Variants in ANKRD30B observed in about 807,000 individuals in gnomAD.
The protein encoded by ANKRD30B is ankyrin repeat domain 30B, also known as ankyrin repeat domain-containing protein 30B.
A neutral mutation model predicts 202.2 loss-of-function variants in ANKRD30B; 144 were observed. That is an observed-to-expected ratio of 0.71 (90% CI 0.62 to 0.82). The LOEUF (loss-of-function observed/expected upper bound fraction) is 0.82. Among genes scored for constraint, ANKRD30B ranks in the 40% least tolerant of loss-of-function variants. The pLI, the probability that ANKRD30B is intolerant of heterozygous loss-of-function variation, is 0.00. For missense variants in ANKRD30B, 1,487 were observed against 1,669.1 expected (o/e 0.89, Z 1.90); for synonymous variants, 508 against 561.3 (o/e 0.91, Z 1.34).
intron 9 of ANKRD30B, 70 bp downstream of exon 9, chr18:14,772,298 G>A: frequency 1.5e-5 from 14 of 921,202 alleles, no homozygotes; most frequent in South Asian, 2.9e-5. Context: ...TCTTAGCAGT[G>A]GTGTATGTAT....
chr18:14,864,626 C>A, the ANKRD30B span, among the ~76,000 whole-genome samples: 2 of 151,560 alleles, frequency 1.3e-5, no homozygotes, highest in Non-Finnish European at 2.9e-5. Context: ...CGTCTTTTCT[C>A]CCTCTCCCTG....
intron 37 of ANKRD30B, among the ~76,000 whole-genome samples, 164 bp from the exon 38 acceptor site, chr18:14,842,733 T>C (rs1189401104): frequency 6.6e-6 from 1 of 152,204 alleles, no homozygotes. Flanking sequence ...TGTATTTCTG[T>C]CATGTGATTG....
At chr18:14,796,624 A>G (rs1968915363) in intron 18 of ANKRD30B, among the ~76,000 whole-genome samples, 1 of 152,154 alleles carries the variant, frequency 6.6e-6, no homozygotes, top group Admixed American at 6.5e-5. Flanking sequence ...GCTTTGCCTC[A>G]TGTGGATATC....
intron 33 of ANKRD30B, among the ~76,000 whole-genome samples, chr18:14,829,921 C>T (rs1464644845): frequency 1.3e-5 from 2 of 152,162 alleles, no homozygotes; most frequent in African/African-American, 4.8e-5. Context: ...TGTCCCCTCC[C>T]GTTTGCCTCT....
At chr18:14,776,772 T>C (rs1443554139) in intron 9 of ANKRD30B, among the ~76,000 whole-genome samples, 1 of 152,238 alleles carries the variant, frequency 6.6e-6, no homozygotes, top group Non-Finnish European at 1.5e-5. Context: ...TAATGATTGT[T>C]TGCTTTCATT....
intron 22 of ANKRD30B, among the ~76,000 whole-genome samples, chr18:14,799,995 C>T (rs1339520682): frequency 1.3e-5 from 2 of 151,840 alleles, no homozygotes; most frequent in African/African-American, 4.8e-5. Flanking sequence ...ATTTAGGAGA[C>T]CAAGGTGGGC....
intron 39 of ANKRD30B, among the ~76,000 whole-genome samples, chr18:14,843,594 G>GA (rs1971512960): frequency 9.8e-6 from 1 of 102,072 alleles, no homozygotes; most frequent in African/African-American, 3.3e-5. Flanking sequence ...TGTGTGTGTG[G>GA]TGTGCACGTT....
the ANKRD30B span, among the ~76,000 whole-genome samples, chr18:14,867,655 G>A: frequency 1.3e-5 from 2 of 152,250 alleles, no homozygotes; most frequent in South Asian, 4.1e-4. Context: ...GTCAGGAATG[G>A]GAACTGGTAC....
chr18:14,774,605 A>G (rs906275905), intron 9 of ANKRD30B, among the ~76,000 whole-genome samples: 5 of 152,174 alleles, frequency 3.3e-5, no homozygotes, highest in African/African-American at 1.2e-4. Context: ...TGCCGTTCAG[A>G]ATAGAAACAA....
intron 11 of ANKRD30B, among the ~76,000 whole-genome samples, chr18:14,782,285 A>T (rs567360927): frequency 2.0e-5 from 3 of 152,186 alleles, no homozygotes; most frequent in Non-Finnish European, 4.4e-5. Context: ...TTGTGTCAAT[A>T]TTATTTATTT....
the ANKRD30B span, among the ~76,000 whole-genome samples, chr18:14,923,813 GTCTC>G: frequency 1.3e-5 from 2 of 152,214 alleles, no homozygotes; most frequent in African/African-American, 2.4e-5. Flanking sequence ...CTTCCAAACA[GTCTC>G]TCTCTGTGTG....
chr18:14,834,042 T>C (rs1971071108), intron 34 of ANKRD30B, among the ~76,000 whole-genome samples: 1 of 152,202 alleles, frequency 6.6e-6, no homozygotes, highest in Non-Finnish European at 1.5e-5. Context: ...TTTTCTCTGT[T>C]TCTTGGAAGA....
At chr18:14,836,126 A>G (rs1264717704) in intron 34 of ANKRD30B, among the ~76,000 whole-genome samples, 1 of 152,132 alleles carries the variant, frequency 6.6e-6, no homozygotes, top group Non-Finnish European at 1.5e-5. Flanking sequence ...TATCTTATAA[A>G]TATTTATTTT....
intron 16 of ANKRD30B, among the ~76,000 whole-genome samples, chr18:14,791,805 G>T (rs1473479042): frequency 7.9e-5 from 12 of 152,102 alleles, no homozygotes; most frequent in Non-Finnish European, 1.8e-4. Flanking sequence ...CAGAGAGGAC[G>T]GGAAGGAACA....
the ANKRD30B span, among the ~76,000 whole-genome samples, chr18:14,864,083 C>T: frequency 6.6e-6 from 1 of 152,192 alleles, no homozygotes; most frequent in African/African-American, 2.4e-5. Flanking sequence ...TGGCTCAAAC[C>T]TGTAATCCCA....
chr18:14,903,822 A>G, the ANKRD30B span: 1 of 152,226 alleles, frequency 6.6e-6, no homozygotes, highest in African/African-American at 2.4e-5. Context: ...AATCAGAGCT[A>G]TTGCTCCACC....
chr18:14,931,520 C>T, the ANKRD30B span, among the ~76,000 whole-genome samples: 1 of 152,192 alleles, frequency 6.6e-6, no homozygotes, highest in Non-Finnish European at 1.5e-5. Context: ...GCAGGCATCC[C>T]CCTGTGCTGA....
intron 9 of ANKRD30B, among the ~76,000 whole-genome samples, 176 bp from the exon 10 acceptor site, chr18:14,777,808 TG>T (rs1299964239): frequency 6.6e-6 from 1 of 151,728 alleles, no homozygotes; most frequent in Admixed American, 6.6e-5. Flanking sequence ...CCAGGTGTGG[TG>T]GCTCCTGCCT....
chr18:14,938,184 A>G, the ANKRD30B span, among the ~76,000 whole-genome samples: 3 of 152,198 alleles, frequency 2.0e-5, no homozygotes, highest in Non-Finnish European at 4.4e-5. Context: ...TGTTTCCTGG[A>G]TGTGCCCTCA....
Sources: allele counts gnomAD v4.1 joint callset (sites outside exome capture counted in the v4.1 genomes callset), GRCh38; gene constraint gnomAD v4.1.1; transcripts MANE v1.5; gene names NCBI Gene and HGNC (gene_info 2026-07-23, HGNC 2026-07-21).